The following PDCD2L variants were observed in gnomAD, a reference collection of about 807,000 sequenced individuals.
The protein encoded by PDCD2L is programmed cell death 2 like.
A neutral mutation model predicts 40.4 loss-of-function variants in PDCD2L; 44 were observed. That is an observed-to-expected ratio of 1.09 (90% CI 0.86 to 1.40). The LOEUF is 1.40. PDCD2L is among the 40% of genes most tolerant of loss of function. The pLI is 0.00. For synonymous variants in PDCD2L, 194 were observed against 174.6 expected, an observed-to-expected ratio of 1.11 and a Z score of -0.88; for missense variants, 470 against 453.7, an observed-to-expected ratio of 1.04 and a Z score of -0.33.
intron 6 of PDCD2L, among the ~76,000 whole-genome samples, chr19:34,422,511 A>G (rs1161233270): frequency 2.0e-5 from 3 of 152,106 alleles, no homozygotes; most frequent in African/African-American, 7.2e-5. Context: ...ACTATTATCA[A>G]TGTTAATAAC....
chr19:34,417,607 CAAAAA>C (rs899768526), intron 5 of PDCD2L, among the ~76,000 whole-genome samples: 1 of 107,448 alleles, frequency 9.3e-6, no homozygotes, highest in South Asian at 3.0e-4. Context: ...GGCTTTGTCT[CAAAAA>C]AAAAAAGAAA....
chr19:34,424,555 G>C (rs2075167173), intron 6 of PDCD2L, among the ~76,000 whole-genome samples: 1 of 151,986 alleles, frequency 6.6e-6, no homozygotes, highest in Non-Finnish European at 1.5e-5. Flanking sequence ...CTGGGTCTTG[G>C]GTTACTTCTC....
chr19:34,415,761 C>T (rs552566456), intron 5 of PDCD2L, among the ~76,000 whole-genome samples: 1 of 152,248 alleles, frequency 6.6e-6, no homozygotes, highest in African/African-American at 2.4e-5. Flanking sequence ...CCATAAATGT[C>T]TAGTAGAGTT....
rs1266467103 is a variant in PDCD2L, at chr19:34,404,743, G to T, written c.203G>T (p.Gly68Val). 6.2e-7 allele frequency: 1 copy of T among 1,611,862 alleles called. No individual in the cohort carries two copies. Among genetic ancestry groups the T allele is most frequent in the African/African-American group, 1.3e-5 (1 of 74,922 alleles). Residue 68 changes from glycine to valine, a missense_variant, in exon 2 of 7, where the codon GGC becomes GTC. By Grantham distance (109) the Gly-to-Val change is moderately radical. Transcript: ENST00000246535. Reference protein sequence around the residue: ...LVVQVYCPLEGSPFHRLLHVF... With the variant: ...LVVQVYCPLEVSPFHRLLHVF... ...GTGCAGGTGTATTGCCCGCTGGAAG[G>T]CTCCCCGTTTCACCGTCTGCTGCAC...
At chr19:34,421,796 T>G in intron 6 of PDCD2L, 129 bp downstream of exon 6, 18 of 1,253,758 alleles carry the variant, frequency 1.4e-5, no homozygotes, top group Non-Finnish European at 1.8e-5. Context: ...AAAAATTATT[T>G]TAAGAAATTT....
At chr19:34,413,426 C>T (rs2075113283) in intron 4 of PDCD2L, among the ~76,000 whole-genome samples, 1 of 148,064 alleles carries the variant, frequency 6.8e-6, no homozygotes, top group Non-Finnish European at 1.5e-5. Context: ...ACTTCCGCTT[C>T]CCGGGTTCAA....
At chr19:34,423,117 A>G (rs968537130) in intron 6 of PDCD2L, among the ~76,000 whole-genome samples, 1 of 152,162 alleles carries the variant, frequency 6.6e-6, no homozygotes, top group African/African-American at 2.4e-5. Context: ...TTTCAGTTTT[A>G]GATAGTATGC....
At chr19:34,411,460 T>G (rs1169093613) in intron 4 of PDCD2L, among the ~76,000 whole-genome samples, 1 of 151,848 alleles carries the variant, frequency 6.6e-6, no homozygotes, top group Non-Finnish European at 1.5e-5. Context: ...GGCCGGGCTC[T>G]TCTTGGAGTT....
chr19:34,415,211 C>T (rs1465471825), intron 5 of PDCD2L, among the ~76,000 whole-genome samples: 6 of 152,092 alleles, frequency 3.9e-5, no homozygotes, highest in Admixed American at 2.6e-4. Flanking sequence ...ATCTCCGCCT[C>T]CCAAGTTTAA....
chr19:34,409,192 G>C lies in PDCD2L; in HGVS notation c.368G>C (p.Trp123Ser), dbSNP rs2075090543. ...GGAAACAGCCTTGCAGCTGAGGACTGGTGTGAAGGTGCTGATGACTGGGGA... is the reference window on the plus strand; with the variant it reads ...GGAAACAGCCTTGCAGCTGAGGACTCGTGTGAAGGTGCTGATGACTGGGGA... The part of the protein sequence containing the change: ...KQGNSLAAED[W>S]CEGADDWGSD... The change falls in exon 4 of 7, where the codon TGG becomes TCG. Residue 123 changes from tryptophan to serine, a missense_variant. Trp to Ser is a radical substitution (Grantham distance 177, BLOSUM62 -3). Coordinates refer to ENST00000246535, the MANE Select transcript of PDCD2L (RefSeq NM_032346.2). 6.2e-7 allele frequency: 1 copy of C among 1,613,806 alleles called. No homozygotes were observed. The highest frequency in any genetic ancestry group is 1.1e-5 in the South Asian group (1 of 91,088).
At chr19:34,404,862 G>C (rs1197390743) in intron 2 of PDCD2L, 47 bp downstream of exon 2, 3 of 1,608,296 alleles carry the variant, frequency 1.9e-6, no homozygotes, top group Non-Finnish European at 1.7e-6. Context: ...CCTTTCCAGC[G>C]GGCTGGGGCG....
chr19:34,413,462 G>T (rs894676122), intron 4 of PDCD2L, among the ~76,000 whole-genome samples: 3 of 150,302 alleles, frequency 2.0e-5, no homozygotes, highest in African/African-American at 7.4e-5. Context: ...TCAGCCTGCT[G>T]AGTAGCTGGG....
At chr19:34,422,687 T>C (rs1303769825) in intron 6 of PDCD2L, among the ~76,000 whole-genome samples, 8 of 151,898 alleles carry the variant, frequency 5.3e-5, no homozygotes, top group Admixed American at 4.6e-4. Context: ...ATGTTAAGTA[T>C]AAGTGAAGCA....
intron 5 of PDCD2L, among the ~76,000 whole-genome samples, chr19:34,417,641 A>G (rs2075132059): frequency 6.6e-6 from 1 of 152,074 alleles, no homozygotes. Flanking sequence ...TAAGGAACAT[A>G]ATAGACTTGG....
chr19:34,426,030 T>G lies in PDCD2L; in HGVS notation c.987T>G (p.Cys329Trp), dbSNP rs200307504. The G allele has an allele frequency of 2.0e-4, 327 of 1,613,274 alleles. No individual in the cohort carries two copies. Among genetic ancestry groups the G allele is most frequent in the Non-Finnish European group, 3.4e-5 (40 of 1,179,400 alleles). The change falls in exon 7 of 7, where the codon TGT becomes TGG. Residue 329 changes from cysteine to tryptophan, a missense_variant. By Grantham distance (215) the Cys-to-Trp change is radical (BLOSUM62 -2). Coordinates refer to ENST00000246535, the MANE Select transcript of PDCD2L (RefSeq NM_032346.2). ...VEFGTILVYT[C>W]EKSCWPPNHQ... ...TTGGAACAATTCTAGTTTACACATG[T>G]GAGAAGAGTTGCTGGCCCCCAAATC...
At chr19:34,406,318 C>T (rs983134726) in intron 3 of PDCD2L, among the ~76,000 whole-genome samples, 2 of 152,126 alleles carry the variant, frequency 1.3e-5, no homozygotes, top group East Asian at 1.9e-4. Context: ...CATTCATCAC[C>T]TCAAATACTT....
chr19:34,407,307 A>G (rs1436065369), intron 3 of PDCD2L, among the ~76,000 whole-genome samples: 1 of 151,652 alleles, frequency 6.6e-6, no homozygotes, highest in Admixed American at 6.6e-5. Flanking sequence ...ATGCCCAGCT[A>G]ATTTTTGTAT....
intron 4 of PDCD2L, 145 bp downstream of exon 4, chr19:34,409,655 C>A: frequency 1.5e-6 from 1 of 647,168 alleles, no homozygotes; most frequent in Non-Finnish European, 2.6e-6. Flanking sequence ...CCTTATCAGC[C>A]AACTTGAGTT....
At position 34,409,192 on chromosome 19, in the gene PDCD2L, G is replaced by A; in HGVS notation, c.368G>A (p.Trp123Ter). Residue 123 changes from tryptophan (W) to a stop codon, truncating the protein, a stop_gained, in exon 4 of 7, where the codon TGG (tryptophan) becomes TAG (stop). Transcript: ENST00000246535. LOFTEE classifies it high-confidence loss of function. ...KQGNSLAAED[W>*]CEGADDWGSD... ...GGAAACAGCCTTGCAGCTGAGGACT[G>A]GTGTGAAGGTGCTGATGACTGGGGA... 1 of 1,613,924 alleles carries A rather than the reference G, an allele frequency of 6.2e-7. No homozygotes were observed. The highest frequency in any genetic ancestry group is 2.2e-5 in the East Asian group (1 of 44,872).
Sources: gnomAD v4.1 joint callset for allele counts (sites outside exome capture counted in the v4.1 genomes callset) on GRCh38, gnomAD v4.1.1 for gene constraint, MANE v1.5 for transcripts, NCBI Gene and HGNC (gene_info 2026-07-23, HGNC 2026-07-21) for gene names.